The following WDSUB1 variants were observed in gnomAD, a reference collection of about 807,000 sequenced individuals.
WDSUB1 encodes the protein WD repeat, sterile alpha motif and U-box domain containing 1, also known as WD repeat, SAM and U-box domain-containing protein 1.
A neutral mutation model predicts 53.9 loss-of-function variants in WDSUB1; 49 were observed. The observed-to-expected ratio is 0.91, with a 90% CI of 0.72 to 1.15. The LOEUF is 1.15. Ranked by LOEUF, WDSUB1 falls within the 50% of genes most tolerant of loss-of-function variation. The pLI is 0.00. For synonymous variants in WDSUB1, 194 were observed against 200.6 expected (o/e 0.97, Z 0.28); for missense variants, 514 against 562.0 (o/e 0.91, Z 0.86).
At chr2:159,236,718 C>T (rs1005720289) in intron 10 of WDSUB1, among the ~76,000 whole-genome samples, 3 of 152,126 alleles carry the variant, frequency 2.0e-5, no homozygotes, top group African/African-American at 2.4e-5. Context: ...CATACACTGG[C>T]GAGATCTTGG....
At position 159,248,525 on chromosome 2, in the gene WDSUB1, TA is replaced by T; in HGVS notation, c.1133-14del. On this transcript the variant is annotated splice_polypyrimidine_tract_variant and intron_variant, in intron 9 of 10. Transcript: ENST00000359774. ...AGTCCTAGAGATTCTGAAAAGAAATTACTGTTAGGGCTGGATAACTACTAGT... is the reference window on the plus strand; with the variant it reads ...AGTCCTAGAGATTCTGAAAAGAAATTCTGTTAGGGCTGGATAACTACTAGT... The T allele has an allele frequency of 6.7e-7, 1 of 1,487,398 alleles. No homozygotes were observed. The highest frequency in any genetic ancestry group is 1.4e-5 in the South Asian group (1 of 69,584). The allele number at this position is 1,487,398 out of a possible 1,614,324, so 92.1% of individuals were successfully genotyped here. A position where few individuals can be genotyped will look rare whatever the true frequency, so the allele number is the denominator to read the frequency against.
chr2:159,271,792 A>T lies in WDSUB1; in HGVS notation c.680T>A (p.Phe227Tyr), dbSNP rs748353156. ...CAGTGTACTTTTATATTTTAATTCA[A>T]AACCTGCAAATAACAAGGTAACAGA... ...WIVSFTHILG[F>Y]ELKYKSTLSG... The change falls in exon 5 of 11, where the codon TTT (phenylalanine) becomes TAT (tyrosine). Residue 227 changes from phenylalanine to tyrosine, a missense_variant. Physicochemically the swap from Phe to Tyr is conservative, Grantham distance 22. Transcript: ENST00000359774. The T allele has an allele frequency of 6.2e-7, 1 of 1,613,278 alleles. No individual in the cohort carries two copies. Among genetic ancestry groups the T allele is most frequent in the South Asian group, 1.1e-5 (1 of 90,954 alleles).
chr2:159,248,678 T>C (rs908124083), intron 9 of WDSUB1, among the ~76,000 whole-genome samples, 166 bp from the exon 10 acceptor site: 2 of 152,174 alleles, frequency 1.3e-5, no homozygotes, highest in Non-Finnish European at 2.9e-5. Context: ...CGATCACCAC[T>C]CATTGCAGCC....
chr2:159,267,424 C>G (rs2061367032), intron 5 of WDSUB1, among the ~76,000 whole-genome samples: 1 of 152,078 alleles, frequency 6.6e-6, no homozygotes, highest in South Asian at 2.1e-4. Flanking sequence ...CCTCAGCCTC[C>G]CAAGTAGCTG....
chr2:159,279,988 T>G (rs1447363383), intron 2 of WDSUB1, 43 bp from the exon 3 acceptor site: 1 of 1,546,072 alleles, frequency 6.5e-7, no homozygotes, highest in East Asian at 2.3e-5. Flanking sequence ...CAGAGTATCC[T>G]TTACTTTATA....
chr2:159,286,389 G>T (rs1031062692), intron 1 of WDSUB1, 194 bp downstream of exon 1: 1 of 152,496 alleles, frequency 6.6e-6, no homozygotes, highest in Non-Finnish European at 1.5e-5. Flanking sequence ...ACCCGACGCC[G>T]ACACGCCCGC....
chr2:159,281,904 G>A (rs951314795), intron 2 of WDSUB1, among the ~76,000 whole-genome samples: 42 of 152,218 alleles, frequency 2.8e-4, no homozygotes, highest in Non-Finnish European at 4.3e-4. Flanking sequence ...TTGAACCTGG[G>A]AGGTGGAGGT....
At chr2:159,282,121 G>A (rs912118041) in intron 2 of WDSUB1, among the ~76,000 whole-genome samples, 5 of 151,398 alleles carry the variant, frequency 3.3e-5, no homozygotes, top group East Asian at 1.9e-4. Context: ...TAAGATTGGC[G>A]CTAAGCAAAT....
chr2:159,261,379 G>A (rs917261767), intron 5 of WDSUB1, among the ~76,000 whole-genome samples: 1 of 152,140 alleles, frequency 6.6e-6, no homozygotes, highest in African/African-American at 2.4e-5. Flanking sequence ...AGATACCAAC[G>A]GATAACTGTA....
intron 3 of WDSUB1, among the ~76,000 whole-genome samples, chr2:159,277,873 GATTAAA>G (rs2061575528): frequency 6.6e-6 from 1 of 152,118 alleles, no homozygotes; most frequent in African/African-American, 2.4e-5. Flanking sequence ...AAGGCACAAA[GATTAAA>G]ATTATACCGA....
At position 159,282,694 on chromosome 2, in the gene WDSUB1, C is replaced by T; in HGVS notation, c.376G>A (p.Ala126Thr). 6.2e-7 allele frequency: 1 copy of T among 1,613,280 alleles called. No homozygotes were observed. Residue 126 changes from alanine to threonine, a missense_variant, in exon 2 of 11, where the codon GCA becomes ACA. Coordinates refer to ENST00000359774, the MANE Select transcript of WDSUB1 (RefSeq NM_001128212.3). ...TACCTATATAATTTGTATGACTGTGCATTCCACAAAACCACAGTTCCATCA... is the reference window on the plus strand; with the variant it reads ...TACCTATATAATTTGTATGACTGTGTATTCCACAAAACCACAGTTCCATCA... ...AADGTVVLWN[A>T]QSYKLYRCGS...
rs781696087 is a variant in WDSUB1, at chr2:159,236,115, A to G, written c.1349T>C (p.Leu450Pro). ...TGTAAGTACCGCTGAAGGAAGAACA[A>G]GATTTGTCATGGGACTTGTACGTTT... Reference protein sequence around the residue: ...KKKRTSPMTNLVLPSAVLTPN... With the variant: ...KKKRTSPMTNPVLPSAVLTPN... Residue 450 changes from leucine (L) to proline (P), a missense_variant, in exon 11 of 11, where the codon CTT becomes CCT. By Grantham distance (98) the Leu-to-Pro change is moderately conservative (BLOSUM62 -3). Coordinates refer to ENST00000359774, the MANE Select transcript of WDSUB1 (RefSeq NM_001128212.3). 18 of 1,613,982 alleles carry G rather than the reference A, an allele frequency of 1.1e-5. No individual in the cohort carries two copies. The South Asian group carries it at 2.0e-4, about 18-fold the overall frequency.
chr2:159,283,815 T>TTTTTG (rs544838346), intron 1 of WDSUB1, among the ~76,000 whole-genome samples: 1 of 152,062 alleles, frequency 6.6e-6, no homozygotes, highest in Admixed American at 6.6e-5. Context: ...CTATGTTTTG[T>TTTTTG]TTTTGTTTTG....
At position 159,247,910 on chromosome 2, in the gene WDSUB1, A is replaced by AAATATATATAT. The variant is rs2060846923; in HGVS notation, c.1273+461_1273+462insATATATATATT. Among the ~76,000 whole-genome samples the AAATATATATAT allele has an allele frequency of 1.0e-3, 18 of 17,686 alleles. 2 individuals carry two copies. The highest frequency in any genetic ancestry group is 2.3e-3 in the Non-Finnish European group (17 of 7,518). The allele number at this position is 17,686 out of a possible 152,430, so 11.6% of individuals were successfully genotyped here. ...AAATATATATATATATATATATATA[A>AAATATATATAT]ATATATATATATATATAAATATATA... On this transcript the variant is annotated intron_variant, in intron 10 of 10. Coordinates refer to ENST00000359774, the MANE Select transcript of WDSUB1 (RefSeq NM_001128212.3).
intron 10 of WDSUB1, among the ~76,000 whole-genome samples, chr2:159,245,779 C>A (rs1448067363): frequency 6.6e-6 from 1 of 152,002 alleles, no homozygotes; most frequent in African/African-American, 2.4e-5. Flanking sequence ...AAATTTAAAA[C>A]CTTAAATTGT....
At chr2:159,259,309 G>A (rs2061140376) in intron 6 of WDSUB1, among the ~76,000 whole-genome samples, 1 of 152,184 alleles carries the variant, frequency 6.6e-6, no homozygotes. Context: ...ACAGGTGTGA[G>A]CCACTGCACC....
rs751243617 is a variant in WDSUB1, at chr2:159,257,818, T to C, written c.892A>G (p.Thr298Ala). ...TTCACTGTTTTGTCCATTGAACCAG[T>C]AGCAAGTAAAAGGGTATTAGGTGCA... ...AFAPNTLLLA[T>A]GSMDKTVNIW... Residue 298 changes from threonine (T) to alanine (A), a missense_variant, in exon 8 of 11, where the codon ACT becomes GCT. Thr to Ala is a moderately conservative substitution (Grantham distance 58). Coordinates refer to ENST00000359774, the MANE Select transcript of WDSUB1 (RefSeq NM_001128212.3). The C allele has an allele frequency of 4.0e-5, 65 of 1,614,246 alleles. No homozygotes were observed. Among genetic ancestry groups the C allele is most frequent in the Non-Finnish European group, 5.4e-5 (64 of 1,180,042 alleles).
chr2:159,265,129 A>ACAAC (rs2061314101), intron 5 of WDSUB1, among the ~76,000 whole-genome samples: 3 of 147,808 alleles, frequency 2.0e-5, no homozygotes, highest in Admixed American at 6.6e-5. Flanking sequence ...ACAACAAAAA[A>ACAAC]AAACAACTCC....
chr2:159,248,484 C>T lies in WDSUB1; in HGVS notation c.1161G>A (p.Leu387=), dbSNP rs1336515613. ...TGGTCCTGAGCTCTTCAATTTTCCT[C>T]AGCACTTTACTACGCAGTCCTAGAG... is the stretch of plus-strand genomic sequence containing the variant. ...IESLGLRSKV[L]RKIEELRTKV... is the part of the protein sequence containing the mutation. Residue 387 remains leucine (L), a synonymous_variant, in exon 10 of 11, where the codon CTG becomes CTA. Coordinates refer to ENST00000359774, the MANE Select transcript of WDSUB1 (RefSeq NM_001128212.3). The T allele has an allele frequency of 1.3e-6, 2 of 1,572,696 alleles. No individual in the cohort carries two copies. The highest frequency in any genetic ancestry group is 1.4e-5 in the African/African-American group (1 of 72,478).
Sources: gnomAD v4.1 joint callset for allele counts (sites outside exome capture counted in the v4.1 genomes callset) on GRCh38, gnomAD v4.1.1 for gene constraint, MANE v1.5 for transcripts, NCBI Gene and HGNC (gene_info 2026-07-23, HGNC 2026-07-21) for gene names.